The following CDC27 variants were observed in gnomAD, a reference collection of about 807,000 sequenced individuals.
CDC27 encodes the protein cell division cycle 27.
CDC27 carries 27 observed loss-of-function variants against 109.7 expected under a neutral mutation model. The observed-to-expected ratio is 0.25, with a 90% confidence interval of 0.18 to 0.34. CDC27 has a LOEUF of 0.34. CDC27 is among the 10% of genes least tolerant of loss of function. The probability of loss-of-function intolerance (pLI) is 1.00; values close to 1 mark genes in which losing one functional copy is unlikely to be tolerated. For missense variants in CDC27, 579 were observed against 960.2 expected (o/e 0.60, Z 5.25); for synonymous variants, 266 against 333.9 (o/e 0.80, Z 2.22).
At chr17:47,158,937 A>G (rs1474811834) in intron 4 of CDC27, among the ~76,000 whole-genome samples, 1 of 152,022 alleles carries the variant, frequency 6.6e-6, no homozygotes, top group Non-Finnish European at 1.5e-5. Context: ...ATTTTCGTCG[A>G]GATGGGGTTT....
At chr17:47,155,324 C>A (rs1388871344) in intron 7 of CDC27, among the ~76,000 whole-genome samples, 6 of 152,196 alleles carry the variant, frequency 3.9e-5, no homozygotes, top group Non-Finnish European at 8.8e-5. Flanking sequence ...CAGCTCACTG[C>A]AACCTCCACC....
intron 4 of CDC27, chr17:47,162,168 T>C (rs750294711): frequency 2.6e-5 from 4 of 152,182 alleles, no homozygotes; most frequent in Admixed American, 1.3e-4. Flanking sequence ...ACTGACTCCT[T>C]CTTCTTCTCC....
At chr17:47,189,120 G>GCC in intron 1 of CDC27, 26 bp downstream of exon 1, 1 of 1,610,888 alleles carries the variant, frequency 6.2e-7, no homozygotes, top group Non-Finnish European at 8.5e-7. Flanking sequence ...TGCCAGCCAA[G>GCC]CCCCAGAGAA....
intron 9 of CDC27, among the ~76,000 whole-genome samples, chr17:47,148,558 C>T (rs2063051553): frequency 6.6e-6 from 1 of 152,120 alleles, no homozygotes; most frequent in Non-Finnish European, 1.5e-5. Flanking sequence ...TATAAACCCA[C>T]AGATCCAAGA....
chr17:47,145,253 G>A (rs2062919727), intron 9 of CDC27, among the ~76,000 whole-genome samples: 2 of 152,190 alleles, frequency 1.3e-5, no homozygotes, highest in Admixed American at 1.3e-4. Context: ...AGAGCTCAGT[G>A]GTCCCACTGT....
intron 6 of CDC27, 32 bp from the exon 7 acceptor site, chr17:47,157,156 C>A (rs1317534383): frequency 6.5e-7 from 1 of 1,541,478 alleles, no homozygotes; most frequent in Non-Finnish European, 8.8e-7. Flanking sequence ...AAGTCATTCA[C>A]AATATATTAT....
chr17:47,153,203 C>T lies in CDC27; in HGVS notation c.958-1285G>A, dbSNP rs138027159. On this transcript the variant is annotated intron_variant, in intron 8 of 18. Transcript: ENST00000066544. ...TTGACACTGCATGCAGACCTACATG[C>T]GTGACTTTTCTGGGAATGTCTTGTA... 5.4e-3 allele frequency among the ~76,000 whole-genome samples: 816 copies of T among 152,294 alleles called. 7 individuals carry two copies. Among genetic ancestry groups the T allele is most frequent in the Middle Eastern group, 0.027 (8 of 294 alleles).
rs759628999 is a variant in CDC27, at chr17:47,169,998, T to C, written c.296A>G (p.Lys99Arg). ...AACAATATCATCATGGCTTTTCTGC[T>C]TATTAAACACTCCACCAGATAAGAT... The part of the protein sequence containing the change: ...EQILSGGVFN[K>R]QKSHDDIVTE... Residue 99 changes from lysine to arginine, a missense_variant, in exon 4 of 19, where the codon AAG (lysine) becomes AGG (arginine). Lys to Arg is a conservative substitution (Grantham distance 26, BLOSUM62 2). Around this residue, in one of 9 missense-constraint regions of CDC27, gnomAD observed 52 missense variants for 63.4 expected, o/e 0.82. Coordinates refer to ENST00000066544, the MANE Select transcript of CDC27 (RefSeq NM_001256.6). The C allele has an allele frequency of 2.5e-6, 4 of 1,590,532 alleles. No individual in the cohort carries two copies. In the South Asian group the frequency reaches 4.6e-5, roughly 18 times the overall value.
At chr17:47,159,467 C>A in intron 4 of CDC27, 1 of 614,852 alleles carries the variant, frequency 1.6e-6, no homozygotes. Context: ...AGACGATGCC[C>A]GTGCTCCTGG....
At chr17:47,152,998 T>C (rs1214915740) in intron 8 of CDC27, among the ~76,000 whole-genome samples, 1 of 152,208 alleles carries the variant, frequency 6.6e-6, no homozygotes, top group Non-Finnish European at 1.5e-5. Context: ...TGACTAACTT[T>C]CTACTGAATA....
chr17:47,165,148 T>G (rs1047820413), intron 4 of CDC27, among the ~76,000 whole-genome samples: 1 of 152,212 alleles, frequency 6.6e-6, no homozygotes, highest in East Asian at 1.9e-4. Flanking sequence ...ACTATACATA[T>G]CAATATAGTA....
chr17:47,147,139 G>A lies in CDC27; in HGVS notation c.1071-3157C>T, dbSNP rs571689174. Among the ~76,000 whole-genome samples the A allele has an allele frequency of 1.6e-4, 25 of 152,056 alleles. No individual in the cohort carries two copies. The South Asian group carries it at 4.2e-3, about 25-fold the overall frequency. ...TAGGCAGCCGGGCGCGGTGGCTCAC[G>A]CCTGTAATCCCAGCACTTTGGGAGG... is the stretch of plus-strand genomic sequence containing the variant. On this transcript the variant is annotated intron_variant, in intron 9 of 18. Transcript: ENST00000066544.
At chr17:47,168,490 G>T (rs541511442) in intron 4 of CDC27, among the ~76,000 whole-genome samples, 178 of 152,166 alleles carry the variant, frequency 1.2e-3, no homozygotes, top group Middle Eastern at 6.8e-3. Flanking sequence ...ACCTTTGAGG[G>T]TGGGGACTGT....
rs368560459 is a variant in CDC27 at position 47,138,694 on chromosome 17, G to A, written c.1704+45C>T. On this transcript the variant is annotated intron_variant, in intron 13 of 18. Coordinates refer to ENST00000066544, the MANE Select transcript of CDC27 (RefSeq NM_001256.6). ...TGGTTCATCTCTATCTGTTGAGGGT[G>A]ATCAAAAAGGTAACTATATAAGCAA... 12 of 1,382,544 alleles carry A rather than the reference G, an allele frequency of 8.7e-6. No homozygotes were observed. In the African/African-American group the frequency reaches 1.7e-4, roughly 20 times the overall value. 85.6% of individuals were successfully genotyped at this position (1,382,544 alleles called of 1,614,324 possible). A position where few individuals can be genotyped will look rare whatever the true frequency, so the allele number is the denominator to read the frequency against.
intron 9 of CDC27, among the ~76,000 whole-genome samples, chr17:47,145,979 A>AT (rs761203169): frequency 6.6e-6 from 1 of 152,192 alleles, no homozygotes; most frequent in Non-Finnish European, 1.5e-5. Context: ...TGGGAAGGAA[A>AT]TTGAGTTCAA....
At chr17:47,133,062 T>C (rs202191622) in intron 14 of CDC27, among the ~76,000 whole-genome samples, 2,224 of 73,626 alleles carry the variant, frequency 0.03, 90 homozygotes, top group Middle Eastern at 0.065. Flanking sequence ...CACATACATA[T>C]ACACACACAC....
In CDC27 at chr17:47,156,998, T is replaced by C. The variant is rs766206603; in HGVS notation, c.757A>G (p.Ile253Val). ...DTVPLGTGTS[I>V]LSKQVQNKPK... ...TTATTTTGAACCTGTTTAGATAATA[T>C]GGAAGTTCCTGTTCCCAGTGGGACA... Residue 253 changes from isoleucine (I) to valine (V), a missense_variant, in exon 7 of 19, where the codon ATA becomes GTA. Ile to Val is a conservative substitution (Grantham distance 29, BLOSUM62 3). Coordinates refer to ENST00000066544, the MANE Select transcript of CDC27 (RefSeq NM_001256.6). The C allele has an allele frequency of 2.5e-5, 39 of 1,569,466 alleles. No homozygotes were observed. Among genetic ancestry groups the C allele is most frequent in the Non-Finnish European group, 3.3e-5 (38 of 1,144,240 alleles).
At chr17:47,182,148 G>C (rs1040524909) in intron 1 of CDC27, among the ~76,000 whole-genome samples, 1 of 152,134 alleles carries the variant, frequency 6.6e-6, no homozygotes, top group African/African-American at 2.4e-5. Flanking sequence ...ATATTAAAAT[G>C]TATGTCATCC....
intron 4 of CDC27, among the ~76,000 whole-genome samples, chr17:47,163,482 C>T (rs1444614422): frequency 2.0e-5 from 3 of 152,154 alleles, no homozygotes; most frequent in African/African-American, 7.2e-5. Context: ...GCCAGGACTG[C>T]TTGAGCCCAG....
Sources: gnomAD v4.1 joint callset for allele counts (sites outside exome capture counted in the v4.1 genomes callset) on GRCh38, gnomAD v4.1.1 for gene constraint, gnomAD v4.1.1 regional missense constraint, MANE v1.5 for transcripts, NCBI Gene and HGNC (gene_info 2026-07-23, HGNC 2026-07-21) for gene names.